The following DPP6 variants were observed in gnomAD, a reference collection of about 807,000 sequenced individuals.
DPP6 encodes the protein dipeptidyl peptidase like 6.
DPP6 carries 69 observed loss-of-function variants against 122.6 expected under a neutral mutation model. The observed-to-expected ratio is 0.56, with a 90% CI of 0.46 to 0.69. The LOEUF (loss-of-function observed/expected upper bound fraction) is 0.69. DPP6 is among the 30% of genes least tolerant of loss of function. The pLI is 0.00. For missense variants in DPP6, 928 were observed against 1,116.9 expected, an observed-to-expected ratio of 0.83 and a Z score of 2.41; for synonymous variants, 418 against 433.1, an observed-to-expected ratio of 0.97 and a Z score of 0.43.
At chr7:154,666,626 G>C (rs1427290803) in intron 6 of DPP6, among the ~76,000 whole-genome samples, 1 of 151,836 alleles carries the variant, frequency 6.6e-6, no homozygotes, top group Non-Finnish European at 1.5e-5. Context: ...CTGAAACTTT[G>C]TATCTTTTTA....
intron 1 of DPP6, among the ~76,000 whole-genome samples, chr7:153,917,804 A>G (rs1006808241): frequency 7.9e-5 from 12 of 152,216 alleles, no homozygotes; most frequent in African/African-American, 2.7e-4. Flanking sequence ...AAATTGCATC[A>G]GACTGAAGTC....
chr7:154,683,391 C>T (rs1839404344), intron 7 of DPP6, among the ~76,000 whole-genome samples: 1 of 152,194 alleles, frequency 6.6e-6, no homozygotes, highest in South Asian at 2.1e-4. Context: ...TGTGCCAGGT[C>T]AGCCAAATTC....
chr7:153,948,928 A>G (rs1185684997), intron 1 of DPP6, among the ~76,000 whole-genome samples: 1 of 151,796 alleles, frequency 6.6e-6, no homozygotes, highest in African/African-American at 2.4e-5. Flanking sequence ...AAATTGGGAA[A>G]GAATATGAAA....
chr7:154,584,007 A>G (rs1376306580), intron 5 of DPP6, among the ~76,000 whole-genome samples: 1 of 151,848 alleles, frequency 6.6e-6, no homozygotes, highest in Non-Finnish European at 1.5e-5. Context: ...TGTCCCTTCC[A>G]CTTCCCCATT....
chr7:153,950,191 CA>C (rs1563040088), intron 1 of DPP6, among the ~76,000 whole-genome samples: 1 of 152,042 alleles, frequency 6.6e-6, no homozygotes. Flanking sequence ...TTTCAAGGGA[CA>C]GGAGGCATTT....
chr7:154,329,222 A>G (rs886891628), intron 1 of DPP6, among the ~76,000 whole-genome samples: 4 of 152,240 alleles, frequency 2.6e-5, no homozygotes, highest in Non-Finnish European at 5.9e-5. Context: ...ACTGTGCACC[A>G]CATACAGTCC....
intron 10 of DPP6, among the ~76,000 whole-genome samples, chr7:154,776,458 C>T (rs549288482): frequency 1.3e-5 from 2 of 152,236 alleles, no homozygotes; most frequent in South Asian, 2.1e-4. Flanking sequence ...AGCCCCACCC[C>T]GCTTCCATTT....
At chr7:154,057,926 C>G (rs148844305) in intron 1 of DPP6, 22,192 of 146,510 alleles carry the variant, frequency 0.15, 1,884 homozygotes, top group Middle Eastern at 0.2. Flanking sequence ...AAGAATGGCC[C>G]CCCTATTTGA....
intron 1 of DPP6, among the ~76,000 whole-genome samples, chr7:154,299,878 G>T (rs1203183327): frequency 6.6e-6 from 1 of 152,210 alleles, no homozygotes; most frequent in East Asian, 1.9e-4. Flanking sequence ...GTGAGAAATT[G>T]CATCAGGCTG....
At chr7:154,823,974 A>G (rs1205404782) in intron 16 of DPP6, among the ~76,000 whole-genome samples, 2 of 152,252 alleles carry the variant, frequency 1.3e-5, no homozygotes, top group African/African-American at 4.8e-5. Flanking sequence ...GCATGTATGA[A>G]GTCAAAATTT....
intron 4 of DPP6, among the ~76,000 whole-genome samples, chr7:154,542,279 C>A (rs1301131308): frequency 1.3e-5 from 2 of 152,044 alleles, no homozygotes; most frequent in Non-Finnish European, 1.5e-5. Context: ...AGAATTACTC[C>A]CCTAAGAGAA....
intron 1 of DPP6, among the ~76,000 whole-genome samples, chr7:154,065,607 G>A (rs1418411777): frequency 2.0e-5 from 3 of 151,760 alleles, no homozygotes; most frequent in Non-Finnish European, 2.9e-5. Flanking sequence ...CCCCGCCCCC[G>A]AGAGCAGAAA....
At chr7:154,807,191 A>C in intron 16 of DPP6, 79 bp downstream of exon 16, 11 of 1,204,090 alleles carry the variant, frequency 9.1e-6, no homozygotes, top group Non-Finnish European at 1.2e-5. Context: ...ACTTGCAGGG[A>C]GGGGGCAGCG....
At chr7:154,643,250 A>C (rs10275382) in intron 6 of DPP6, among the ~76,000 whole-genome samples, 131,815 of 152,030 alleles carry the variant, frequency 0.87, 57,369 homozygotes, top group East Asian at 0.98. Flanking sequence ...TTTTTTTTAT[A>C]TCATCTCATT....
intron 1 of DPP6, among the ~76,000 whole-genome samples, chr7:154,280,424 C>G (rs886587363): frequency 1.3e-5 from 2 of 152,250 alleles, no homozygotes; most frequent in Admixed American, 6.5e-5. Context: ...TACCCAAACT[C>G]CCCACTCACT....
At chr7:154,883,232 TCA>T (rs1360903178) in intron 21 of DPP6, among the ~76,000 whole-genome samples, 2 of 133,390 alleles carry the variant, frequency 1.5e-5, no homozygotes, top group Admixed American at 7.8e-5. Context: ...CACACAATGC[TCA>T]CACATTCACA....
the DPP6 span, among the ~76,000 whole-genome samples, chr7:153,832,476 A>G: frequency 6.6e-6 from 1 of 152,234 alleles, no homozygotes; most frequent in Admixed American, 6.5e-5. Flanking sequence ...CATTTTATGA[A>G]AAAACAACAT....
At chr7:154,756,845 A>G (rs1398872077) in intron 8 of DPP6, among the ~76,000 whole-genome samples, 1 of 152,112 alleles carries the variant, frequency 6.6e-6, no homozygotes, top group Non-Finnish European at 1.5e-5. Flanking sequence ...CCACAATCAA[A>G]GCTGTCGTTC....
intron 16 of DPP6, among the ~76,000 whole-genome samples, chr7:154,847,251 T>C (rs117595035): frequency 0.018 from 2,743 of 152,318 alleles, 42 homozygotes; most frequent in Non-Finnish European, 0.031. Flanking sequence ...CCGTACCAAA[T>C]ATGTTACATT....
Sources: gnomAD v4.1 joint callset for allele counts (sites outside exome capture counted in the v4.1 genomes callset) on GRCh38, gnomAD v4.1.1 for gene constraint, MANE v1.5 for transcripts, NCBI Gene and HGNC (gene_info 2026-07-23, HGNC 2026-07-21) for gene names.